RGS7: variants seen among roughly 807,000 people sequenced by gnomAD.
The protein encoded by RGS7 is regulator of G-protein signaling 7.
Under a neutral mutation model 81.1 loss-of-function variants are expected in RGS7, and 27 were observed. That is an observed-to-expected ratio of 0.33 (90% CI 0.25 to 0.46). RGS7 has a LOEUF of 0.46. Among genes scored for constraint, RGS7 ranks in the 20% least tolerant of loss-of-function variants. The pLI is 1.00. For missense variants in RGS7, 396 were observed against 607.4 expected (o/e 0.65, Z 3.66); for synonymous variants, 208 against 207.7 (o/e 1.00, Z -0.01).
At chr1:240,864,319 C>T (rs1662824891) in intron 9 of RGS7, among the ~76,000 whole-genome samples, 1 of 152,148 alleles carries the variant, frequency 6.6e-6, no homozygotes, top group Non-Finnish European at 1.5e-5. Flanking sequence ...GGTGGCAACG[C>T]CCTGTTTCAC....
chr1:241,351,246 C>T (rs1369003964), intron 2 of RGS7, among the ~76,000 whole-genome samples: 2 of 151,680 alleles, frequency 1.3e-5, no homozygotes, highest in Admixed American at 1.3e-4. Flanking sequence ...TAGTGAGACC[C>T]CATCTCTAGA....
At chr1:241,341,495 C>T (rs368672336) in intron 2 of RGS7, among the ~76,000 whole-genome samples, 2 of 151,848 alleles carry the variant, frequency 1.3e-5, no homozygotes, top group South Asian at 4.2e-4. Flanking sequence ...CAGGGAGTTA[C>T]ATGCTGCTAG....
Position 240,801,672 on chromosome 1 carries a change from G to A in RGS7, c.1360-164C>T, listed in dbSNP as rs7543767. Among the ~76,000 whole-genome samples the A allele has an allele frequency of 1.2e-3, 184 of 152,202 alleles. 1 individual carries two copies. Among genetic ancestry groups the A allele is most frequent in the African/African-American group, 4.3e-3 (177 of 41,544 alleles). On this transcript the variant is annotated intron_variant, in intron 16 of 18. Coordinates refer to ENST00000440928, the MANE Select transcript of RGS7 (RefSeq NM_001364886.1). ...CCATAGAGGTTGGAGAGCCGCCAAG[G>A]GAGGCTTCTTCTCACAGGACATGGG...
At chr1:241,243,462 A>C (rs10926438) in intron 2 of RGS7, among the ~76,000 whole-genome samples, 35,935 of 152,106 alleles carry the variant, frequency 0.24, 4,914 homozygotes, top group East Asian at 0.51. Flanking sequence ...GCAAGAATGA[A>C]AGGATCACAT....
intron 3 of RGS7, among the ~76,000 whole-genome samples, chr1:241,055,516 A>G (rs935434042): frequency 6.6e-6 from 1 of 152,058 alleles, no homozygotes; most frequent in Non-Finnish European, 1.5e-5. Flanking sequence ...AAACACTTTC[A>G]CTTATGGTCA....
At chr1:241,196,503 G>A (rs1410318650) in intron 2 of RGS7, among the ~76,000 whole-genome samples, 1 of 151,980 alleles carries the variant, frequency 6.6e-6, no homozygotes, top group Non-Finnish European at 1.5e-5. Context: ...AGAAAAACCA[G>A]ACAGTGCACA....
intron 6 of RGS7, among the ~76,000 whole-genome samples, chr1:240,898,672 T>C (rs986208610): frequency 6.6e-6 from 1 of 152,236 alleles, no homozygotes; most frequent in African/African-American, 2.4e-5. Context: ...TTCTGTTCTT[T>C]TACATTTGCT....
intron 4 of RGS7, among the ~76,000 whole-genome samples, chr1:240,941,680 G>A (rs765029612): frequency 7.9e-5 from 12 of 151,860 alleles, no homozygotes; most frequent in Non-Finnish European, 1.0e-4. Flanking sequence ...TGGACTTGGG[G>A]CAGTATTCTC....
intron 3 of RGS7, among the ~76,000 whole-genome samples, chr1:241,050,538 T>C (rs2061192777): frequency 6.6e-6 from 1 of 152,134 alleles, no homozygotes; most frequent in Admixed American, 6.5e-5. Flanking sequence ...CATATATTAT[T>C]GAACATTTTC....
rs1010190012 is a variant in RGS7 at position 241,115,491 on chromosome 1, G to A, written c.79-16729C>T. On this transcript the variant is annotated intron_variant, in intron 2 of 18. Transcript: ENST00000440928. ...AGTTCATTTTTTCAAAAATCCACTC[G>A]TCCAGCTTTGTGGGAACTGAACACT... is the stretch of plus-strand genomic sequence containing the variant. 1.2e-4 allele frequency among the ~76,000 whole-genome samples: 19 copies of A among 152,008 alleles called. 1 individual carries two copies. Among genetic ancestry groups the A allele is most frequent in the African/African-American group, 4.3e-4 (18 of 41,400 alleles).
chr1:240,839,997 G>A (rs1043289489), intron 9 of RGS7, among the ~76,000 whole-genome samples: 11 of 151,942 alleles, frequency 7.2e-5, no homozygotes, highest in African/African-American at 2.7e-4. Flanking sequence ...AATACACCCC[G>A]AACCTACTGG....
intron 3 of RGS7, among the ~76,000 whole-genome samples, chr1:240,990,646 T>C (rs999280129): frequency 3.3e-5 from 5 of 152,258 alleles, no homozygotes; most frequent in African/African-American, 9.6e-5. Flanking sequence ...GAGAAAATTA[T>C]TCAGTTTTCA....
At chr1:240,928,632 G>A (rs186313443) in intron 6 of RGS7, among the ~76,000 whole-genome samples, 385 of 144,024 alleles carry the variant, frequency 2.7e-3, no homozygotes, top group African/African-American at 9.1e-3. Context: ...TTTTTTAGAC[G>A]GAGTCTCACT....
chr1:241,052,929 C>T (rs1032258201), intron 3 of RGS7, among the ~76,000 whole-genome samples: 1 of 152,066 alleles, frequency 6.6e-6, no homozygotes, highest in African/African-American at 2.4e-5. Flanking sequence ...TCCCATCATC[C>T]TCTGCTTGAT....
At chr1:240,983,192 T>C (rs1558556680) in intron 3 of RGS7, 63 bp from the exon 4 acceptor site, 1 of 886,444 alleles carries the variant, frequency 1.1e-6, no homozygotes, top group South Asian at 1.6e-5. Context: ...ATATTAACTT[T>C]AAGAATTCTC....
Position 240,836,823 on chromosome 1 carries a change from A to G in RGS7, c.610-9651T>C, listed in dbSNP as rs146280802. ...CTGCAACATTAAAACATGATGATCA[A>G]TTCCTGAGAATTTGGTGGAGCTGTC... is the stretch of plus-strand genomic sequence containing the variant. On this transcript the variant is annotated intron_variant, in intron 9 of 18. Transcript: ENST00000440928. 2.0e-3 allele frequency among the ~76,000 whole-genome samples: 299 copies of G among 152,328 alleles called. 1 individual carries two copies. Among genetic ancestry groups the G allele is most frequent in the African/African-American group, 6.9e-3 (285 of 41,568 alleles).
intron 6 of RGS7, among the ~76,000 whole-genome samples, chr1:240,907,890 A>G (rs934749298): frequency 1.3e-5 from 2 of 152,128 alleles, no homozygotes; most frequent in Non-Finnish European, 2.9e-5. Context: ...ATGAAATAAG[A>G]GTGCCGATCC....
intron 14 of RGS7, among the ~76,000 whole-genome samples, chr1:240,811,006 T>C (rs1689755078): frequency 6.6e-6 from 1 of 152,214 alleles, no homozygotes; most frequent in South Asian, 2.1e-4. Flanking sequence ...GTCAGCGTCC[T>C]ACATCTTTCT....
At chr1:240,829,698 G>T (rs1057046773) in intron 9 of RGS7, among the ~76,000 whole-genome samples, 3 of 152,144 alleles carry the variant, frequency 2.0e-5, no homozygotes, top group African/African-American at 7.2e-5. Flanking sequence ...TGGAGAGGCT[G>T]AGGTGGGAGG....
Sources: allele counts gnomAD v4.1 joint callset (sites outside exome capture counted in the v4.1 genomes callset), GRCh38; gene constraint gnomAD v4.1.1; transcripts MANE v1.5; gene names NCBI Gene and HGNC (gene_info 2026-07-23, HGNC 2026-07-21).